Variants in NPTN observed in about 807,000 individuals in gnomAD.
NPTN encodes SDR-1.
NPTN carries 5 observed loss-of-function variants against 42.7 expected under a neutral mutation model. The ratio of observed to expected loss-of-function variants is 0.12; its 90% CI spans 0.06 to 0.25. The LOEUF is 0.25. Among genes scored for constraint, NPTN ranks in the 10% least tolerant of loss-of-function variants. The pLI, the probability that NPTN is intolerant of heterozygous loss-of-function variation, is 1.00. For synonymous variants in NPTN, 180 were observed against 201.9 expected (o/e 0.89, Z 0.92); for missense variants, 307 against 525.4 (o/e 0.58, Z 4.06).
At chr15:73,564,746 G>C (rs1431605583) in intron 6 of NPTN, among the ~76,000 whole-genome samples, 1 of 152,142 alleles carries the variant, frequency 6.6e-6, no homozygotes, top group African/African-American at 2.4e-5. Context: ...TCCCGGCCAA[G>C]CCAGCTCAGC....
intron 1 of NPTN, among the ~76,000 whole-genome samples, chr15:73,626,278 C>T (rs2141478856): frequency 6.6e-6 from 1 of 152,316 alleles, no homozygotes; most frequent in South Asian, 2.1e-4. Flanking sequence ...AATATAAGAT[C>T]TCTGCATAAC....
chr15:73,584,324 G>C (rs958866844), intron 4 of NPTN, among the ~76,000 whole-genome samples: 4 of 152,032 alleles, frequency 2.6e-5, no homozygotes, highest in Non-Finnish European at 5.9e-5. Flanking sequence ...AGTCATGAGA[G>C]CAATTTTTTT....
At chr15:73,590,252 A>C (rs1896518189) in intron 3 of NPTN, among the ~76,000 whole-genome samples, 1 of 152,110 alleles carries the variant, frequency 6.6e-6, no homozygotes, top group Non-Finnish European at 1.5e-5. Flanking sequence ...GGAACTCATC[A>C]GTTGTTATTT....
chr15:73,573,569 G>A (rs564365586), intron 5 of NPTN, 93 bp downstream of exon 5: 544 of 1,381,704 alleles, frequency 3.9e-4, no homozygotes, highest in Non-Finnish European at 4.9e-4. Context: ...GCACACATCC[G>A]AGGATACAGC....
intron 1 of NPTN, among the ~76,000 whole-genome samples, chr15:73,622,499 T>TAA (rs751330130): frequency 2.6e-4 from 32 of 123,670 alleles, no homozygotes; most frequent in African/African-American, 6.1e-4. Context: ...AGAATTGTTT[T>TAA]AAAAAAAAAA....
At chr15:73,590,219 G>A (rs182228976) in intron 3 of NPTN, among the ~76,000 whole-genome samples, 1 of 152,172 alleles carries the variant, frequency 6.6e-6, no homozygotes, top group Admixed American at 6.5e-5. Flanking sequence ...CGCCTCTTCA[G>A]GCTAACTTAT....
At chr15:73,562,650 C>CT (rs1218915319) in intron 7 of NPTN, among the ~76,000 whole-genome samples, 2 of 152,174 alleles carry the variant, frequency 1.3e-5, no homozygotes, top group African/African-American at 2.4e-5. Context: ...GCAGTACCCT[C>CT]TCTCTTGGAT....
At chr15:73,610,071 G>C (rs1278379245) in intron 1 of NPTN, among the ~76,000 whole-genome samples, 1 of 151,222 alleles carries the variant, frequency 6.6e-6, no homozygotes, top group Non-Finnish European at 1.5e-5. Context: ...TCACCTTCCT[G>C]TTCTACTTTT....
chr15:73,568,541 A>T (rs1895175765), intron 6 of NPTN: 1 of 985,362 alleles, frequency 1.0e-6, no homozygotes, highest in Non-Finnish European at 1.2e-6. Context: ...GGTCTAAATA[A>T]AGGTGCACTC....
chr15:73,564,238 T>C (rs373431099), intron 6 of NPTN, among the ~76,000 whole-genome samples: 1 of 152,196 alleles, frequency 6.6e-6, no homozygotes, highest in Non-Finnish European at 1.5e-5. Flanking sequence ...TCAGGTAAAC[T>C]AAATGATTCA....
chr15:73,617,775 C>A (rs1259687519), intron 1 of NPTN, among the ~76,000 whole-genome samples: 1 of 152,212 alleles, frequency 6.6e-6, no homozygotes, highest in Non-Finnish European at 1.5e-5. Context: ...ACACGTGTTA[C>A]TAAAATACAA....
Position 73,569,142 on chromosome 15 carries a change from T to C in NPTN, c.1114+1008A>G. On this transcript the variant is annotated intron_variant, in intron 6 of 8. Coordinates refer to ENST00000345330, the MANE Select transcript of NPTN (RefSeq NM_012428.4). The surrounding 1 kb of genome is among the most constrained non-coding windows in gnomAD (Gnocchi z 4.1). Reference sequence around the variant, plus strand: ...CTGAGCCCAGGGGCACACCCATCTGTCTAGTCTAGCCAGGGACAGACTAGT... The same window carrying C: ...CTGAGCCCAGGGGCACACCCATCTGCCTAGTCTAGCCAGGGACAGACTAGT... 1.0e-6 allele frequency: 1 copy of C among 985,512 alleles called. No homozygotes were observed. The highest frequency in any genetic ancestry group is 1.2e-6 in the Non-Finnish European group (1 of 830,014). 61.0% of individuals were successfully genotyped at this position (985,512 alleles called of 1,614,324 possible).
chr15:73,576,307 C>G (rs1895693340), intron 4 of NPTN, among the ~76,000 whole-genome samples: 1 of 152,122 alleles, frequency 6.6e-6, no homozygotes, highest in Non-Finnish European at 1.5e-5. Flanking sequence ...ATACAAGGTT[C>G]CTGACCTGTG....
At chr15:73,610,411 G>A (rs1273287950) in intron 1 of NPTN, among the ~76,000 whole-genome samples, 1 of 152,158 alleles carries the variant, frequency 6.6e-6, no homozygotes, top group Non-Finnish European at 1.5e-5. Flanking sequence ...TTACTTCTAT[G>A]AGATCAACTT....
chr15:73,623,155 G>A (rs1469706884), intron 1 of NPTN, among the ~76,000 whole-genome samples: 2 of 152,102 alleles, frequency 1.3e-5, no homozygotes, highest in South Asian at 2.1e-4. Flanking sequence ...AAAGTCTAAC[G>A]GGCTCTTTAT....
intron 4 of NPTN, among the ~76,000 whole-genome samples, chr15:73,578,041 G>C (rs1895788405): frequency 6.6e-6 from 1 of 152,196 alleles, no homozygotes; most frequent in South Asian, 2.1e-4. Flanking sequence ...CAAAGGTCTT[G>C]AGGTAGGATT....
intron 6 of NPTN, among the ~76,000 whole-genome samples, chr15:73,564,238 T>G (rs373431099): frequency 7.2e-5 from 11 of 152,314 alleles, no homozygotes; most frequent in East Asian, 5.8e-4. Flanking sequence ...TCAGGTAAAC[T>G]AAATGATTCA....
chr15:73,624,185 T>C (rs748902500), intron 1 of NPTN, among the ~76,000 whole-genome samples: 1 of 152,220 alleles, frequency 6.6e-6, no homozygotes, highest in Non-Finnish European at 1.5e-5. Context: ...AGTTCAATCC[T>C]AGTAGAAAAC....
chr15:73,616,194 A>C (rs1333619439), intron 1 of NPTN, among the ~76,000 whole-genome samples: 1 of 152,168 alleles, frequency 6.6e-6, no homozygotes, highest in African/African-American at 2.4e-5. Context: ...TGCAGGTATC[A>C]AGACTGACCA....
Sources: gnomAD v4.1 joint callset for allele counts (sites outside exome capture counted in the v4.1 genomes callset) on GRCh38, gnomAD v4.1.1 for gene constraint, Gnocchi (gnomAD v3.1) non-coding constraint, MANE v1.5 for transcripts, NCBI Gene and HGNC (gene_info 2026-07-23, HGNC 2026-07-21) for gene names.